ITPR1: variants seen among roughly 807,000 people sequenced by gnomAD.
ITPR1 encodes the protein inositol 1,4,5-trisphosphate-gated calcium channel ITPR1.
Under a neutral mutation model 318.4 loss-of-function variants are expected in ITPR1, and 96 were observed. That is an observed-to-expected ratio of 0.30 (90% CI 0.26 to 0.36). The LOEUF is 0.36. ITPR1 is among the 10% of genes least tolerant of loss of function. ITPR1 has a pLI of 1.00. For missense variants in ITPR1, 2,440 were observed against 3,460.2 expected (o/e 0.71, Z 7.40); for synonymous variants, 1,312 against 1,289.9 (o/e 1.02, Z -0.37).
intron 17 of ITPR1, 74 bp downstream of exon 17, chr3:4,665,370 T>G: frequency 7.2e-7 from 1 of 1,381,630 alleles, no homozygotes; most frequent in Non-Finnish European, 1.0e-6. Context: ...TCCTGAGTTT[T>G]TAGTGTCACA....
intron 44 of ITPR1, among the ~76,000 whole-genome samples, chr3:4,743,705 G>A (rs1315287477): frequency 6.6e-6 from 1 of 152,148 alleles, no homozygotes; most frequent in Non-Finnish European, 1.5e-5. Flanking sequence ...ACATCTGCTT[G>A]TCTGGCCTTC....
chr3:4,512,853 A>G (rs1175799841), intron 2 of ITPR1, among the ~76,000 whole-genome samples: 2 of 152,018 alleles, frequency 1.3e-5, no homozygotes, highest in Non-Finnish European at 2.9e-5. Flanking sequence ...CTAGATGATA[A>G]TAATAATAAT....
chr3:4,656,154 T>C (rs550163519), intron 12 of ITPR1, among the ~76,000 whole-genome samples: 1 of 152,332 alleles, frequency 6.6e-6, no homozygotes, highest in East Asian at 1.9e-4. Context: ...CATGTGCCTT[T>C]CTTTCCACTA....
chr3:4,561,609 T>C (rs1291797822), intron 4 of ITPR1, among the ~76,000 whole-genome samples: 1 of 152,172 alleles, frequency 6.6e-6, no homozygotes, highest in Non-Finnish European at 1.5e-5. Context: ...AGAAAGAATG[T>C]ATATTAGTTA....
rs1288066857 is a variant in ITPR1, at chr3:4,652,218, G to A, written c.951G>A (p.Glu317=). Reference sequence around the variant, plus strand: ...CCACGGGGCATTACTTGGCAGCAGAGGTAAGTAGCAGCTCCTGTGGTTTTC... The same window carrying A: ...CCACGGGGCATTACTTGGCAGCAGAAGTAAGTAGCAGCTCCTGTGGTTTTC... The part of the protein sequence containing the change: ...HLATGHYLAA[E]VDPDFEEECL... The change falls in exon 11 of 62, where the codon GAG becomes GAA. Residue 317 remains glutamate, a splice_region_variant and synonymous_variant. Transcript: ENST00000649015. 1 of 1,607,898 alleles carries A rather than the reference G, an allele frequency of 6.2e-7. No individual in the cohort carries two copies. The highest frequency in any genetic ancestry group is 2.2e-5 in the East Asian group (1 of 44,734).
chr3:4,527,743 G>A (rs934963872), intron 4 of ITPR1, among the ~76,000 whole-genome samples: 15 of 152,158 alleles, frequency 9.9e-5, no homozygotes, highest in African/African-American at 3.4e-4. Flanking sequence ...ATAATGAGCC[G>A]CTCTTGGACC....
At chr3:4,500,570 A>C (rs1171145186) in intron 2 of ITPR1, among the ~76,000 whole-genome samples, 1 of 152,226 alleles carries the variant, frequency 6.6e-6, no homozygotes, top group Non-Finnish European at 1.5e-5. Flanking sequence ...CTTACAGACG[A>C]GAAGACAAAT....
At chr3:4,669,298 T>C (rs1245637080) in intron 18 of ITPR1, among the ~76,000 whole-genome samples, 3 of 152,248 alleles carry the variant, frequency 2.0e-5, no homozygotes, top group Non-Finnish European at 4.4e-5. Context: ...CTAACTGGGC[T>C]TCCAACACAC....
chr3:4,606,025 C>G (rs1449167530), intron 4 of ITPR1, among the ~76,000 whole-genome samples: 1 of 152,150 alleles, frequency 6.6e-6, no homozygotes, highest in South Asian at 2.1e-4. Flanking sequence ...GCAACAGTTT[C>G]CAGAGGCTTG....
intron 44 of ITPR1, among the ~76,000 whole-genome samples, chr3:4,755,532 C>A (rs982774085): frequency 1.3e-5 from 2 of 151,982 alleles, no homozygotes; most frequent in African/African-American, 4.8e-5. Context: ...AGCCACCATA[C>A]TGGACCCTGA....
chr3:4,836,984 C>T (rs912483017), intron 61 of ITPR1, 49 bp downstream of exon 61: 1 of 1,449,000 alleles, frequency 6.9e-7, no homozygotes, highest in Non-Finnish European at 9.3e-7. Context: ...TATCCCCACC[C>T]ACACCCACTA....
intron 55 of ITPR1, among the ~76,000 whole-genome samples, chr3:4,807,025 G>T (rs1251701245): frequency 6.6e-6 from 1 of 151,390 alleles, no homozygotes; most frequent in African/African-American, 2.4e-5. Context: ...TAAAATATTT[G>T]TGAGGACAAA....
intron 10 of ITPR1, among the ~76,000 whole-genome samples, chr3:4,646,581 C>T (rs1575879625): frequency 6.6e-6 from 1 of 152,070 alleles, no homozygotes; most frequent in East Asian, 1.9e-4. Context: ...AATTTATGGG[C>T]AGGGGAGAAA....
At chr3:4,555,654 G>GGATT (rs770122108) in intron 4 of ITPR1, among the ~76,000 whole-genome samples, 2 of 152,028 alleles carry the variant, frequency 1.3e-5, no homozygotes, top group Non-Finnish European at 2.9e-5. Context: ...CAGCATTTGA[G>GGATT]GATTATTCCA....
intron 4 of ITPR1, among the ~76,000 whole-genome samples, chr3:4,545,917 G>A (rs1250296468): frequency 6.6e-6 from 1 of 151,856 alleles, no homozygotes; most frequent in Non-Finnish European, 1.5e-5. Context: ...GGGTGGTTTT[G>A]AACTCCTGAG....
chr3:4,590,354 A>G (rs973492139), intron 4 of ITPR1, among the ~76,000 whole-genome samples: 1 of 151,702 alleles, frequency 6.6e-6, no homozygotes, highest in Non-Finnish European at 1.5e-5. Context: ...GTGTCTGGCC[A>G]TAAGCAGATG....
At chr3:4,729,390 G>C (rs2042744047) in intron 42 of ITPR1, among the ~76,000 whole-genome samples, 1 of 152,146 alleles carries the variant, frequency 6.6e-6, no homozygotes, top group Non-Finnish European at 1.5e-5. Context: ...TGATTTTGTA[G>C]ACAACAAGAG....
chr3:4,553,314 C>G (rs1444617303), intron 4 of ITPR1, among the ~76,000 whole-genome samples: 2 of 152,108 alleles, frequency 1.3e-5, no homozygotes, highest in African/African-American at 4.8e-5. Flanking sequence ...CAGACTCCAG[C>G]TATGATTTTT....
At chr3:4,608,203 T>G (rs1265957658) in intron 4 of ITPR1, among the ~76,000 whole-genome samples, 1 of 152,142 alleles carries the variant, frequency 6.6e-6, no homozygotes, top group Non-Finnish European at 1.5e-5. Context: ...CAATTATGAT[T>G]TACTCCGAAG....
Sources: gnomAD v4.1 joint callset for allele counts (sites outside exome capture counted in the v4.1 genomes callset) on GRCh38, gnomAD v4.1.1 for gene constraint, MANE v1.5 for transcripts, NCBI Gene and HGNC (gene_info 2026-07-23, HGNC 2026-07-21) for gene names.